Variants in ADAMTS17 observed in about 807,000 individuals in gnomAD.
ADAMTS17 encodes A disintegrin and metalloproteinase with thrombospondin motifs 17.
Under a neutral mutation model 141.5 loss-of-function variants are expected in ADAMTS17, and 113 were observed. The observed-to-expected ratio is 0.80, with a 90% confidence interval of 0.69 to 0.93. The LOEUF is 0.93. Ranked by LOEUF, ADAMTS17 falls within the 40% of genes least tolerant of loss-of-function variation. The pLI is 0.00. For synonymous variants in ADAMTS17, 768 were observed against 630.6 expected, an observed-to-expected ratio of 1.22 and a Z score of -3.27; for missense variants, 1,659 against 1,517.9, an observed-to-expected ratio of 1.09 and a Z score of -1.54.
chr15:100,235,621 C>T (rs182232381), intron 7 of ADAMTS17, among the ~76,000 whole-genome samples: 1 of 152,312 alleles, frequency 6.6e-6, no homozygotes, highest in East Asian at 1.9e-4. Context: ...ATTCCTCATA[C>T]CTTCCCAGGT....
At chr15:99,984,196 A>G (rs1182763303) in intron 20 of ADAMTS17, among the ~76,000 whole-genome samples, 1 of 152,134 alleles carries the variant, frequency 6.6e-6, no homozygotes, top group Admixed American at 6.5e-5. Context: ...CAGGAGGCTG[A>G]GGTGACCCCC....
rs967056908 is a variant in ADAMTS17, at chr15:100,303,221, TA to T, written c.617-21821del. Among the ~76,000 whole-genome samples, 29 of 147,380 alleles carry T rather than the reference TA, an allele frequency of 2.0e-4. 1 individual carries two copies. Among genetic ancestry groups the T allele is most frequent in the Middle Eastern group, 3.6e-3 (1 of 280 alleles). ...TAAAATATATAATATATATGTAACA[TA>T]TATATTATATATATATTCCATTAGT... On this transcript the variant is annotated intron_variant, in intron 3 of 21. Transcript: ENST00000268070.
intron 8 of ADAMTS17, among the ~76,000 whole-genome samples, chr15:100,165,888 T>C (rs1257697995): frequency 2.0e-5 from 3 of 151,206 alleles, no homozygotes; most frequent in African/African-American, 4.8e-5. Flanking sequence ...CCTTTCTCTC[T>C]TTTTTGTTTT....
At chr15:99,976,321 G>C in intron 20 of ADAMTS17, 99 bp from the exon 21 acceptor site, 1 of 1,440,450 alleles carries the variant, frequency 6.9e-7, no homozygotes, top group South Asian at 1.2e-5. Flanking sequence ...CAGCCTGAGT[G>C]GGGGCCTACA....
intron 2 of ADAMTS17, chr15:100,339,239 G>A (rs1352161323): frequency 3.5e-6 from 3 of 849,516 alleles, no homozygotes; most frequent in Non-Finnish European, 4.3e-6. Context: ...ATCTATGACA[G>A]GGCCCAGCCC....
intron 7 of ADAMTS17, among the ~76,000 whole-genome samples, chr15:100,234,574 C>T (rs983423246): frequency 1.3e-5 from 2 of 152,226 alleles, no homozygotes; most frequent in African/African-American, 2.4e-5. Flanking sequence ...TGGGGGAAAA[C>T]GACTCCTTGG....
intron 8 of ADAMTS17, among the ~76,000 whole-genome samples, chr15:100,166,685 G>A (rs147712777): frequency 1.5e-3 from 236 of 152,292 alleles, no homozygotes; most frequent in African/African-American, 5.3e-3. Context: ...TAAACTCCTG[G>A]GCTTGTTTTC....
intron 7 of ADAMTS17, among the ~76,000 whole-genome samples, chr15:100,206,334 G>A (rs779883602): frequency 6.6e-6 from 1 of 152,222 alleles, no homozygotes; most frequent in Non-Finnish European, 1.5e-5. Context: ...GCACTTGAGT[G>A]TACGTCTGTA....
At chr15:100,255,256 G>C (rs1596372587) in intron 6 of ADAMTS17, among the ~76,000 whole-genome samples, 2 of 152,164 alleles carry the variant, frequency 1.3e-5, no homozygotes, top group African/African-American at 4.8e-5. Context: ...GGGTTGGCTG[G>C]GGCAGGACTC....
intron 3 of ADAMTS17, among the ~76,000 whole-genome samples, chr15:100,322,459 C>T (rs1484286565): frequency 6.6e-6 from 1 of 152,142 alleles, no homozygotes; most frequent in Admixed American, 6.5e-5. Flanking sequence ...AAATTAATTG[C>T]CAGCTAAAAT....
In ADAMTS17 at chr15:100,144,308, T is replaced by A. The variant is rs905690387; in HGVS notation, c.1473+8304A>T. ...GGCTCACACCTGTAGTCCCAGCACTTTGGGAGGCTGAGGCGGGTGGATCAC... is the reference window on the plus strand; with the variant it reads ...GGCTCACACCTGTAGTCCCAGCACTATGGGAGGCTGAGGCGGGTGGATCAC... On this transcript the variant is annotated intron_variant, in intron 10 of 21. Transcript: ENST00000268070. Among the ~76,000 whole-genome samples the A allele has an allele frequency of 4.6e-5, 7 of 152,252 alleles. No individual in the cohort carries two copies. The South Asian group carries it at 1.5e-3, about 32-fold the overall frequency.
intron 15 of ADAMTS17, among the ~76,000 whole-genome samples, chr15:100,090,882 C>A (rs1412596563): frequency 6.6e-6 from 1 of 151,788 alleles, no homozygotes; most frequent in Non-Finnish European, 1.5e-5. Context: ...GTGGTGCATG[C>A]CAGTAATCTC....
intron 15 of ADAMTS17, among the ~76,000 whole-genome samples, chr15:100,057,673 C>T (rs975714180): frequency 6.6e-6 from 1 of 152,176 alleles, no homozygotes; most frequent in Admixed American, 6.5e-5. Flanking sequence ...TTGAACCCCA[C>T]AGTTCCAGGC....
chr15:99,976,051 G>GGGGGGA lies in ADAMTS17; in HGVS notation c.3115_3120dup (p.Ser1039_Pro1040dup). The GGGGGGA allele has an allele frequency of 6.5e-7, 1 of 1,550,130 alleles. No homozygotes were observed. The highest frequency in any genetic ancestry group is 8.7e-7 in the Non-Finnish European group (1 of 1,146,086). The stretch of plus-strand genomic sequence containing the variant: ...GGCCAGTGAAGACACTCACCAAGGC[G>GGGGGGA]GGGGGAGGTGATGGTGTTGGCGTTG... On this transcript the variant is annotated inframe_insertion, in exon 21 of 22. Transcript: ENST00000268070.
rs1010675697 is a variant in ADAMTS17, at chr15:100,341,135, G to C, written c.354C>G (p.Arg118=). ...EVEEAGAARR[R]GRPAELCFYS... is the part of the protein sequence containing the mutation. Reference sequence around the variant, plus strand: ...AGAAGCACAGCTCGGCGGGGCGGCCGCGGCGCCGGGCCGCGCCCGCCTCCT... The same window carrying C: ...AGAAGCACAGCTCGGCGGGGCGGCCCCGGCGCCGGGCCGCGCCCGCCTCCT... The change falls in exon 2 of 22, where the codon CGC becomes CGG. Residue 118 remains arginine, a synonymous_variant. Transcript: ENST00000268070. 1.4e-6 allele frequency: 2 copies of C among 1,430,502 alleles called. No homozygotes were observed. Among genetic ancestry groups the C allele is most frequent in the Non-Finnish European group, 1.8e-6 (2 of 1,100,758 alleles). 88.6% of individuals were successfully genotyped at this position (1,430,502 alleles called of 1,614,324 possible). A position where few individuals can be genotyped will look rare whatever the true frequency, so the allele number is the denominator to read the frequency against.
chr15:99,974,672 G>T, intron 21 of ADAMTS17, 110 bp from the exon 22 acceptor site: 1 of 1,398,244 alleles, frequency 7.2e-7, no homozygotes, highest in South Asian at 1.2e-5. Flanking sequence ...TCACCCTCGT[G>T]CACACGTCAA....
intron 7 of ADAMTS17, among the ~76,000 whole-genome samples, chr15:100,216,824 T>C (rs567738743): frequency 2.6e-5 from 4 of 152,328 alleles, no homozygotes; most frequent in African/African-American, 9.6e-5. Context: ...GATTTTGAGA[T>C]AGGTGAATTC....
intron 3 of ADAMTS17, among the ~76,000 whole-genome samples, chr15:100,319,364 G>A (rs7182422): frequency 0.075 from 11,481 of 152,228 alleles, 913 homozygotes; most frequent in East Asian, 0.24. Flanking sequence ...TTGAGCTCAC[G>A]GTATAAAATT....
chr15:100,000,655 A>C (rs1311932052), intron 18 of ADAMTS17, among the ~76,000 whole-genome samples: 1 of 152,140 alleles, frequency 6.6e-6, no homozygotes, highest in Non-Finnish European at 1.5e-5. Context: ...TCGGGTTTAC[A>C]GCCATGCGCC....
Sources: allele counts gnomAD v4.1 joint callset (sites outside exome capture counted in the v4.1 genomes callset), GRCh38; gene constraint gnomAD v4.1.1; transcripts MANE v1.5; gene names NCBI Gene and HGNC (gene_info 2026-07-23, HGNC 2026-07-21).